Variants in SRI observed in about 807,000 individuals in gnomAD.
SRI encodes the protein sorcin.
Under a neutral mutation model 33.3 loss-of-function variants are expected in SRI, and 30 were observed. The observed-to-expected ratio is 0.90, with a 90% confidence interval of 0.67 to 1.22. SRI has a LOEUF of 1.22. Ranked by LOEUF, SRI falls within the 50% of genes most tolerant of loss-of-function variation. SRI has a pLI of 0.00. For missense variants in SRI, 243 were observed against 250.8 expected, an observed-to-expected ratio of 0.97 and a Z score of 0.21; for synonymous variants, 75 against 89.9, an observed-to-expected ratio of 0.83 and a Z score of 0.94.
In SRI at chr7:88,214,786, G is replaced by T. The variant is rs912155192; in HGVS notation, c.205+2336C>A. ...TAATAATTTCCAAAGAATCTCTGCT[G>T]TAATTTACCTTTACTCTTTTTCTTC... On this transcript the variant is annotated intron_variant, in intron 3 of 7. Coordinates refer to ENST00000265729, the MANE Select transcript of SRI (RefSeq NM_003130.4). 6.0e-5 allele frequency: 59 copies of T among 979,842 alleles called. 1 individual carries two copies. Among genetic ancestry groups the T allele is most frequent in the Non-Finnish European group, 6.9e-5 (56 of 809,508 alleles). The allele number at this position is 979,842 out of a possible 1,614,324, so 60.7% of individuals were successfully genotyped here. A position where few individuals can be genotyped will look rare whatever the true frequency, so the allele number is the denominator to read the frequency against.
At position 88,210,086 on chromosome 7, in the gene SRI, G is replaced by A. The variant is rs1851538175; in HGVS notation, c.294C>T (p.Leu98=). 3.7e-6 allele frequency: 6 copies of A among 1,613,990 alleles called. No homozygotes were observed. Among genetic ancestry groups the A allele is most frequent in the Non-Finnish European group, 5.1e-6 (6 of 1,180,000 alleles). The part of the protein sequence containing the change: ...GTMGFNEFKE[L]WAVLNGWRQH... ...GTCTCCAGCCATTCAGTACAGCCCA[G>A]AGTTCTTTAAATTCATTGAAACCCA... The change falls in exon 5 of 8, where the codon CTC becomes CTT. Residue 98 remains leucine, a synonymous_variant. Coordinates refer to ENST00000265729, the MANE Select transcript of SRI (RefSeq NM_003130.4).
chr7:88,219,824 G>A (rs1476608174), intron 1 of SRI, 152 bp downstream of exon 1: 1 of 952,930 alleles, frequency 1.0e-6, no homozygotes, highest in Non-Finnish European at 1.5e-6. Context: ...AGGGGCCTAG[G>A]GCGAGGCCGC....
chr7:88,218,968 T>C (rs1851806987), intron 1 of SRI, 26 bp from the exon 2 acceptor site: 1 of 1,602,306 alleles, frequency 6.2e-7, no homozygotes. Flanking sequence ...CACATACACG[T>C]CATTCTGCCG....
At chr7:88,221,168 C>G (rs755853711), upstream of SRI, among the ~76,000 whole-genome samples, 8 of 152,184 alleles carry the variant, frequency 5.3e-5, no homozygotes, top group Admixed American at 1.3e-4. Context: ...GAGCACCCGC[C>G]AATGTGGTAC....
rs1176244478 is a variant in SRI, at chr7:88,210,784, CATTT to C, written c.249+94_249+97del. 1.9e-5 allele frequency: 22 copies of C among 1,176,434 alleles called. No individual in the cohort carries two copies. The South Asian group carries it at 2.2e-4, about 12-fold the overall frequency. The allele number at this position is 1,176,434 out of a possible 1,614,324, so 72.9% of individuals were successfully genotyped here. Reference sequence around the variant, plus strand: ...TTATTTCAGAAAGCTTTTTAGTGATCATTTATTACTTTGTGTTTACTAGATATTA... The same window carrying C: ...TTATTTCAGAAAGCTTTTTAGTGATCATTACTTTGTGTTTACTAGATATTA... On this transcript the variant is annotated intron_variant, in intron 4 of 7. Coordinates refer to ENST00000265729, the MANE Select transcript of SRI (RefSeq NM_003130.4).
chr7:88,210,692 C>T, intron 4 of SRI, 190 bp downstream of exon 4: 1 of 574,354 alleles, frequency 1.7e-6, no homozygotes, highest in Non-Finnish European at 3.1e-6. Context: ...TCCTGAACAA[C>T]ATTCTGTTTA....
chr7:88,223,016 A>G (rs991234174), upstream of SRI, among the ~76,000 whole-genome samples: 3 of 152,022 alleles, frequency 2.0e-5, no homozygotes, highest in Admixed American at 6.6e-5. Flanking sequence ...TAATTAAACT[A>G]AAGAGCTTCT....
At chr7:88,224,583 TA>T (rs372920058), upstream of SRI, among the ~76,000 whole-genome samples, 40 of 152,328 alleles carry the variant, frequency 2.6e-4, no homozygotes, top group Admixed American at 4.6e-4. Context: ...GGTAACCAAT[TA>T]ATAGTATCTC....
Position 88,206,361 on chromosome 7 carries a change from A to C in SRI, c.*117T>G. On this transcript the variant is annotated 3_prime_UTR_variant, in exon 8 of 8. Transcript: ENST00000265729. Reference sequence around the variant, plus strand: ...TGTACATAAAGTAATAAACTTTACAACAGCTGTTAAGAGAAAGTCGTGATG... The same window carrying C: ...TGTACATAAAGTAATAAACTTTACACCAGCTGTTAAGAGAAAGTCGTGATG... 1 of 1,166,310 alleles carries C rather than the reference A, an allele frequency of 8.6e-7. No individual in the cohort carries two copies. The highest frequency in any genetic ancestry group is 1.3e-6 in the Non-Finnish European group (1 of 773,282). 72.2% of individuals were successfully genotyped at this position (1,166,310 alleles called of 1,614,324 possible).
chr7:88,218,757 G>A, intron 2 of SRI, 102 bp downstream of exon 2: 1 of 1,069,692 alleles, frequency 9.3e-7, no homozygotes, highest in East Asian at 2.4e-5. Context: ...AGAAGCAAAG[G>A]GACTCAGTAC....
upstream of SRI, among the ~76,000 whole-genome samples, chr7:88,223,673 A>G (rs961071768): frequency 2.3e-4 from 35 of 152,302 alleles, no homozygotes; most frequent in African/African-American, 8.2e-4. Context: ...ATTATGCTTA[A>G]TTTTATTTTT....
rs996020719 is a variant in SRI, at chr7:88,225,277, C to T, written c.6+1632G>A. Reference sequence around the variant, plus strand: ...ATGGCTAAATATATATGCCTATATACATATATGTGTATGTATGTATATCAT... The same window carrying T: ...ATGGCTAAATATATATGCCTATATATATATATGTGTATGTATGTATATCAT... On this transcript the variant is annotated intron_variant, in intron 1 of 7. Coordinates refer to the SRI transcript ENST00000394641. 4.6e-5 allele frequency among the ~76,000 whole-genome samples: 7 copies of T among 152,238 alleles called. No individual in the cohort carries two copies. The South Asian group carries it at 1.0e-3, about 23-fold the overall frequency.
At chr7:88,207,099 A>T (rs1055726521) in intron 7 of SRI, among the ~76,000 whole-genome samples, 2 of 152,016 alleles carry the variant, frequency 1.3e-5, no homozygotes, top group African/African-American at 4.8e-5. Flanking sequence ...CTGCTCTATC[A>T]GTGTTCCCTA....
intron 3 of SRI, among the ~76,000 whole-genome samples, chr7:88,216,087 C>T (rs1851704578): frequency 6.6e-6 from 1 of 152,170 alleles, no homozygotes; most frequent in South Asian, 2.1e-4. Context: ...GTATAATCCT[C>T]CCACCTCAGC....
upstream of SRI, among the ~76,000 whole-genome samples, chr7:88,221,506 G>A (rs1162279284): frequency 6.6e-6 from 1 of 152,184 alleles, no homozygotes; most frequent in Non-Finnish European, 1.5e-5. Flanking sequence ...CGACTATAAA[G>A]AGTAGATGTC....
At chr7:88,214,731 G>A in intron 3 of SRI, 1 of 528,014 alleles carries the variant, frequency 1.9e-6, no homozygotes, top group South Asian at 8.1e-5. Flanking sequence ...TCAACATTTT[G>A]AAATTATTTA....
At chr7:88,214,451 T>G (rs914596898) in intron 3 of SRI, among the ~76,000 whole-genome samples, 11 of 152,048 alleles carry the variant, frequency 7.2e-5, no homozygotes, top group African/African-American at 2.7e-4. Flanking sequence ...GTGAGAAGGA[T>G]CTGAAAGGGC....
At chr7:88,213,649 G>C (rs1029095952) in intron 3 of SRI, among the ~76,000 whole-genome samples, 5 of 152,186 alleles carry the variant, frequency 3.3e-5, no homozygotes, top group African/African-American at 7.2e-5. Context: ...TGTGGCTACA[G>C]AGCCAGCACC....
intron 3 of SRI, among the ~76,000 whole-genome samples, chr7:88,212,528 C>T (rs947313548): frequency 1.3e-5 from 2 of 152,254 alleles, no homozygotes; most frequent in Admixed American, 6.5e-5. Context: ...GTGTGGGACC[C>T]AGGTATTTGT....
Sources: allele counts gnomAD v4.1 joint callset (sites outside exome capture counted in the v4.1 genomes callset), GRCh38; gene constraint gnomAD v4.1.1; transcripts MANE v1.5; gene names NCBI Gene and HGNC (gene_info 2026-07-23, HGNC 2026-07-21).